Variants in NCOA2 observed in about 807,000 individuals in gnomAD.
NCOA2 encodes nuclear receptor coactivator 2.
A neutral mutation model predicts 145.1 loss-of-function variants in NCOA2; 21 were observed. That is an observed-to-expected ratio of 0.14 (90% confidence interval 0.10 to 0.21). The LOEUF (loss-of-function observed/expected upper bound fraction) is 0.21, where lower values mean the gene tolerates loss of function less well. Among genes scored for constraint, NCOA2 ranks in the 10% least tolerant of loss-of-function variants. The probability of loss-of-function intolerance (pLI) is 1.00; values close to 1 mark genes in which losing one functional copy is unlikely to be tolerated. For synonymous variants in NCOA2, 619 were observed against 637.5 expected (o/e 0.97, Z 0.44); for missense variants, 1,472 against 1,837.6 (o/e 0.80, Z 3.64).
intron 2 of NCOA2, among the ~76,000 whole-genome samples, chr8:70,255,589 G>T (rs1823571526): frequency 6.6e-6 from 1 of 152,136 alleles, no homozygotes; most frequent in Non-Finnish European, 1.5e-5. Context: ...TCAAGGGTGA[G>T]CCCTATCGTG....
intron 15 of NCOA2, among the ~76,000 whole-genome samples, chr8:70,134,056 C>T (rs937627658): frequency 6.6e-6 from 1 of 152,150 alleles, no homozygotes; most frequent in Non-Finnish European, 1.5e-5. Context: ...CCCCTTTCTG[C>T]CCCTTTCTTG....
the NCOA2 span, among the ~76,000 whole-genome samples, chr8:70,414,161 A>G: frequency 2.6e-5 from 4 of 152,224 alleles, no homozygotes; most frequent in Non-Finnish European, 5.9e-5. Flanking sequence ...AAGTTTTAAA[A>G]TAAATTACTA....
the NCOA2 span, among the ~76,000 whole-genome samples, chr8:70,410,559 T>C: frequency 1.3e-5 from 2 of 152,190 alleles, no homozygotes; most frequent in African/African-American, 4.8e-5. Context: ...GGTCTTGAAC[T>C]CCTGGGCTCA....
intron 1 of NCOA2, among the ~76,000 whole-genome samples, chr8:70,394,588 C>T (rs987716649): frequency 2.6e-5 from 4 of 152,172 alleles, no homozygotes; most frequent in African/African-American, 9.7e-5. Context: ...AATAGAATTA[C>T]GGAAGTTGAA....
chr8:70,444,366 G>A, the NCOA2 span, among the ~76,000 whole-genome samples: 1 of 152,312 alleles, frequency 6.6e-6, no homozygotes, highest in South Asian at 2.1e-4. Context: ...GGTGGCTGTG[G>A]CTGTGGCTAT....
intron 2 of NCOA2, among the ~76,000 whole-genome samples, chr8:70,236,756 G>A (rs771989079): frequency 2.0e-5 from 3 of 152,160 alleles, no homozygotes; most frequent in Non-Finnish European, 4.4e-5. Context: ...AATGTATTAG[G>A]TATTGTAAGT....
intron 2 of NCOA2, among the ~76,000 whole-genome samples, chr8:70,246,144 C>G (rs556745900): frequency 9.9e-5 from 15 of 152,200 alleles, no homozygotes; most frequent in Non-Finnish European, 1.9e-4. Flanking sequence ...AACACCAGCA[C>G]AGTACCTGAC....
chr8:70,213,908 T>A lies in NCOA2; in HGVS notation c.254A>T (p.Glu85Val), dbSNP rs1286011779. ...ETVKQIRQIK[E>V]QEKAAAANID... ...TACTAATTCAGTCCTCTTACCTTGT[T>A]CTTTGATCTGACGAATTTGCTTCAC... Residue 85 changes from glutamate to valine, a missense_variant, in exon 4 of 23, where the codon GAA (glutamate) becomes GTA (valine). Glu to Val is a moderately radical substitution (Grantham distance 121, BLOSUM62 -2). Transcript: ENST00000452400. The A allele has an allele frequency of 6.3e-7, 1 of 1,588,476 alleles. No homozygotes were observed. The highest frequency in any genetic ancestry group is 1.4e-5 in the African/African-American group (1 of 74,028).
chr8:70,146,789 G>A (rs930342314), intron 12 of NCOA2, among the ~76,000 whole-genome samples: 3 of 151,916 alleles, frequency 2.0e-5, no homozygotes, highest in African/African-American at 4.8e-5. Flanking sequence ...TCCACCTTCC[G>A]GGTTCAAGCA....
intron 2 of NCOA2, among the ~76,000 whole-genome samples, chr8:70,275,350 T>C (rs892791360): frequency 7.2e-5 from 11 of 152,156 alleles, no homozygotes; most frequent in Non-Finnish European, 1.0e-4. Flanking sequence ...TACTTATATA[T>C]AGTTGTTCAG....
In NCOA2 at chr8:70,113,250, G is replaced by C. The variant is rs1288210986; in HGVS notation, c.*382C>G. The C allele has an allele frequency of 3.7e-6, 1 of 273,194 alleles. No homozygotes were observed. The highest frequency in any genetic ancestry group is 6.9e-6 in the Non-Finnish European group (1 of 145,432). 16.9% of individuals were successfully genotyped at this position (273,194 alleles called of 1,614,324 possible). On this transcript the variant is annotated 3_prime_UTR_variant, in exon 23 of 23. Transcript: ENST00000452400. Reference sequence around the variant, plus strand: ...CCAGGGAAAACAAAGCAAGAAACCAGTGTCTGGAACCGAACAGGAACAGAA... The same window carrying C: ...CCAGGGAAAACAAAGCAAGAAACCACTGTCTGGAACCGAACAGGAACAGAA...
chr8:70,197,058 A>C (rs1817403855), intron 4 of NCOA2, among the ~76,000 whole-genome samples: 1 of 152,240 alleles, frequency 6.6e-6, no homozygotes, highest in African/African-American at 2.4e-5. Context: ...AGCTGAAAAC[A>C]GTATGTATGA....
At chr8:70,257,353 T>C (rs73684245) in intron 2 of NCOA2, among the ~76,000 whole-genome samples, 4,066 of 152,326 alleles carry the variant, frequency 0.027, 170 homozygotes, top group African/African-American at 0.093. Flanking sequence ...GAACCATTCC[T>C]TGGGGTCCTT....
chr8:70,283,105 T>G (rs993865725), intron 2 of NCOA2, among the ~76,000 whole-genome samples: 1 of 152,216 alleles, frequency 6.6e-6, no homozygotes, highest in Non-Finnish European at 1.5e-5. Context: ...TACTAGTTTA[T>G]CTTCTAGTGA....
chr8:70,434,417 T>A, the NCOA2 span, among the ~76,000 whole-genome samples: 1 of 152,188 alleles, frequency 6.6e-6, no homozygotes, highest in Non-Finnish European at 1.5e-5. Flanking sequence ...AGCTCATGAA[T>A]CCACATTATT....
chr8:70,147,126 G>A (rs561475222), intron 12 of NCOA2, among the ~76,000 whole-genome samples: 38 of 141,006 alleles, frequency 2.7e-4, no homozygotes, highest in Middle Eastern at 3.4e-3. Context: ...GCGCGCGCGC[G>A]CGTGTGTGTG....
the NCOA2 span, among the ~76,000 whole-genome samples, chr8:70,443,634 T>C: frequency 6.6e-6 from 1 of 152,078 alleles, no homozygotes; most frequent in Non-Finnish European, 1.5e-5. Flanking sequence ...GATCAGACCA[T>C]AGTTTACTGC....
At chr8:70,342,347 T>C (rs1285216328) in intron 1 of NCOA2, among the ~76,000 whole-genome samples, 1 of 152,162 alleles carries the variant, frequency 6.6e-6, no homozygotes, top group Non-Finnish European at 1.5e-5. Flanking sequence ...AAGCTTCTCT[T>C]ACTAAGTGGC....
chr8:70,351,990 A>C (rs1809291610), intron 1 of NCOA2, among the ~76,000 whole-genome samples: 1 of 151,896 alleles, frequency 6.6e-6, no homozygotes, highest in Non-Finnish European at 1.5e-5. Context: ...TTTTTAAAAA[A>C]GGAAGCAATC....
Sources: gnomAD v4.1 joint callset for allele counts (sites outside exome capture counted in the v4.1 genomes callset) on GRCh38, gnomAD v4.1.1 for gene constraint, MANE v1.5 for transcripts, NCBI Gene and HGNC (gene_info 2026-07-23, HGNC 2026-07-21) for gene names.